The following ZNF782 variants were observed in gnomAD, a reference collection of about 807,000 sequenced individuals.
The protein encoded by ZNF782 is zinc finger protein 782.
ZNF782 carries 12 observed loss-of-function variants against 13.0 expected under a neutral mutation model. That is an observed-to-expected ratio of 0.92 (90% CI 0.59 to 1.50). The LOEUF is 1.50. Ranked by LOEUF, ZNF782 falls within the 40% of genes most tolerant of loss-of-function variation. ZNF782 has a pLI of 0.00. For missense variants in ZNF782, 770 were observed against 822.9 expected (o/e 0.94, Z 0.79); for synonymous variants, 284 against 283.0 (o/e 1.00, Z -0.04).
chr9:96,829,957 G>A (rs1297805977), intron 4 of ZNF782, among the ~76,000 whole-genome samples: 1 of 152,168 alleles, frequency 6.6e-6, no homozygotes, highest in Non-Finnish European at 1.5e-5. Flanking sequence ...ACAGCAGATT[G>A]TTCAAGGACT....
chr9:96,903,822 A>G, the ZNF782 span, among the ~76,000 whole-genome samples: 4 of 151,798 alleles, frequency 2.6e-5, no homozygotes, highest in African/African-American at 7.3e-5. Context: ...TCGGCCTCCC[A>G]AAGTGCTGGG....
chr9:96,819,681 C>T lies in ZNF782; in HGVS notation c.342G>A (p.Glu114=), dbSNP rs1342140572. The change falls in exon 6 of 6, where the codon GAG becomes GAA. Residue 114 remains glutamate, a synonymous_variant. Coordinates refer to ENST00000481138, the MANE Select transcript of ZNF782 (RefSeq NM_001001662.3). The part of the protein sequence containing the change: ...VLFTNKLLTT[E]QEISGKPHNR... ...TATGTGGTTTTCCTGAAATTTCTTG[C>T]TCTGTAGTCAATAATTTATTGGTGA... The T allele has an allele frequency of 6.2e-7, 1 of 1,613,738 alleles. No homozygotes were observed. The highest frequency in any genetic ancestry group is 8.5e-7 in the Non-Finnish European group (1 of 1,179,966).
chr9:96,835,497 A>G (rs1471195152), intron 4 of ZNF782, among the ~76,000 whole-genome samples: 1 of 152,174 alleles, frequency 6.6e-6, no homozygotes, highest in Non-Finnish European at 1.5e-5. Context: ...CAGAAGCCTA[A>G]GAAGGCAGAA....
intron 5 of ZNF782, among the ~76,000 whole-genome samples, chr9:96,820,108 G>A (rs550138130): frequency 6.6e-6 from 1 of 152,216 alleles, no homozygotes; most frequent in South Asian, 2.1e-4. Context: ...CTGGGAACAG[G>A]AAAATCAGAG....
At chr9:96,857,491 C>G (rs573445218), upstream of ZNF782, among the ~76,000 whole-genome samples, 4 of 152,340 alleles carry the variant, frequency 2.6e-5, no homozygotes, top group Non-Finnish European at 5.9e-5. Context: ...TTACAGCACT[C>G]AAACTAAGCT....
At chr9:96,852,271 C>T (rs891681633) in intron 2 of ZNF782, among the ~76,000 whole-genome samples, 20 of 152,190 alleles carry the variant, frequency 1.3e-4, no homozygotes, top group Admixed American at 2.0e-4. Context: ...GTGCTTCTAA[C>T]ACACACACAA....
At position 96,849,376 on chromosome 9, in the gene ZNF782, C is replaced by T. The variant is rs182853103; in HGVS notation, c.15+2571G>A. ...GCCTGCTGCTTACCTCCTGCTGTGC[C>T]CTTCCATTCCTAACAGACCACGTGG... is the stretch of plus-strand genomic sequence containing the variant. On this transcript the variant is annotated intron_variant, in intron 3 of 5. Coordinates refer to ENST00000481138, the MANE Select transcript of ZNF782 (RefSeq NM_001001662.3). Among the ~76,000 whole-genome samples, 10 of 152,338 alleles carry T rather than the reference C, an allele frequency of 6.6e-5. 1 individual carries two copies. The highest frequency in any genetic ancestry group is 2.4e-4 in the African/African-American group (10 of 41,572).
upstream of ZNF782, among the ~76,000 whole-genome samples, chr9:96,876,880 C>T (rs961333954): frequency 7.5e-6 from 1 of 133,066 alleles, no homozygotes; most frequent in Non-Finnish European, 1.6e-5. Context: ...GTGGCGGGCG[C>T]CTGCAGTCCC....
chr9:96,852,016 A>T lies in ZNF782; in HGVS notation c.-44-11T>A. 1 of 1,579,298 alleles carries T rather than the reference A, an allele frequency of 6.3e-7. No homozygotes were observed. Among genetic ancestry groups the T allele is most frequent in the South Asian group, 1.1e-5 (1 of 90,250 alleles). ...ACTGTAAAGCCTCAGCTGGGGGGAC[A>T]GAAAGAGGATGTCACACGGTCTCGC... On this transcript the variant is annotated splice_polypyrimidine_tract_variant and intron_variant, in intron 2 of 5. Coordinates refer to ENST00000481138, the MANE Select transcript of ZNF782 (RefSeq NM_001001662.3).
the ZNF782 span, among the ~76,000 whole-genome samples, chr9:96,921,316 C>CTT: frequency 1.1e-4 from 16 of 142,074 alleles, no homozygotes; most frequent in East Asian, 5.2e-4. Context: ...GGGCAGATCA[C>CTT]GAGGTCAGGA....
At chr9:96,877,761 C>A (rs1851912171), upstream of ZNF782, among the ~76,000 whole-genome samples, 1 of 152,172 alleles carries the variant, frequency 6.6e-6, no homozygotes, top group Non-Finnish European at 1.5e-5. Flanking sequence ...CTTCATCAGA[C>A]GGAATTTTCC....
At chr9:96,890,664 C>A in the ZNF782 span, 1 of 152,220 alleles carries the variant, frequency 6.6e-6, no homozygotes, top group Non-Finnish European at 1.5e-5. Flanking sequence ...TGGGCAGTAA[C>A]TAACAGTATT....
At chr9:96,931,368 C>T in the ZNF782 span, among the ~76,000 whole-genome samples, 1 of 150,884 alleles carries the variant, frequency 6.6e-6, no homozygotes, top group Non-Finnish European at 1.5e-5. Flanking sequence ...GCTGAGCACA[C>T]TGAGAGCCAC....
At chr9:96,841,908 T>C (rs1040547677) in intron 4 of ZNF782, among the ~76,000 whole-genome samples, 4 of 151,918 alleles carry the variant, frequency 2.6e-5, no homozygotes, top group Non-Finnish European at 4.4e-5. Context: ...GAAAGGAAAG[T>C]AGTAAACTGA....
chr9:96,863,091 T>C (rs953444177), intron 1 of ZNF782, among the ~76,000 whole-genome samples: 1 of 151,794 alleles, frequency 6.6e-6, no homozygotes, highest in African/African-American at 2.4e-5. Flanking sequence ...TCTTTGGAAA[T>C]TGAAAAACAT....
upstream of ZNF782, among the ~76,000 whole-genome samples, chr9:96,858,996 GCCCA>G (rs1851675119): frequency 6.7e-6 from 1 of 149,852 alleles, no homozygotes; most frequent in African/African-American, 2.5e-5. This position sits in a 1 kb window ranked among gnomAD's most constrained non-coding sequence, Gnocchi z 4.4. Flanking sequence ...TTACACTAGT[GCCCA>G]CCCACGGAGG....
the ZNF782 span, chr9:96,931,985 C>T: frequency 6.2e-7 from 1 of 1,611,190 alleles, no homozygotes. Context: ...GCCTGTGAAG[C>T]CCCCTCAGGC....
At chr9:96,920,144 T>C in the ZNF782 span, among the ~76,000 whole-genome samples, 2 of 149,956 alleles carry the variant, frequency 1.3e-5, no homozygotes, top group Non-Finnish European at 2.9e-5. Context: ...CTAATAGTTG[T>C]ATTTTAGTAC....
chr9:96,910,164 G>C, the ZNF782 span: 1 of 839,424 alleles, frequency 1.2e-6, no homozygotes, highest in Non-Finnish European at 2.0e-6. Flanking sequence ...GCGGAAAATG[G>C]AAGAGACGCC....
Sources: allele counts gnomAD v4.1 joint callset (sites outside exome capture counted in the v4.1 genomes callset), GRCh38; gene constraint gnomAD v4.1.1; non-coding constraint Gnocchi (gnomAD v3.1); transcripts MANE v1.5; gene names NCBI Gene and HGNC (gene_info 2026-07-23, HGNC 2026-07-21).